The following OPCML variants were observed in gnomAD, a reference collection of about 807,000 sequenced individuals.
OPCML encodes the protein opioid binding protein/cell adhesion molecule like.
In OPCML, 13 loss-of-function variants were observed where a neutral mutation model predicts 37.8. The ratio of observed to expected loss-of-function variants is 0.34; its 90% CI spans 0.22 to 0.55. The LOEUF (loss-of-function observed/expected upper bound fraction) is 0.55, where lower values mean the gene tolerates loss of function less well. Among genes scored for constraint, OPCML ranks in the 20% least tolerant of loss-of-function variants. OPCML has a pLI of 0.91. For synonymous variants in OPCML, 176 were observed against 168.8 expected (o/e 1.04, Z -0.33); for missense variants, 341 against 435.6 (o/e 0.78, Z 1.93).
chr11:132,592,741 T>C (rs1260572211), intron 3 of OPCML, among the ~76,000 whole-genome samples: 1 of 151,796 alleles, frequency 6.6e-6, no homozygotes, highest in Non-Finnish European at 1.5e-5. Flanking sequence ...AAAAAAGGAG[T>C]GGTCCAGAAT....
intron 2 of OPCML, among the ~76,000 whole-genome samples, chr11:132,933,611 CAGAG>C (rs753926369): frequency 1.3e-5 from 2 of 151,972 alleles, no homozygotes; most frequent in South Asian, 2.1e-4. Context: ...AGAGAAGAAA[CAGAG>C]AGAGAGACAG....
intron 2 of OPCML, chr11:132,773,246 C>G (rs914275235): frequency 1.3e-5 from 2 of 152,148 alleles, no homozygotes; most frequent in Non-Finnish European, 2.9e-5. Context: ...GATTAATCTC[C>G]GCATTGCAGG....
chr11:132,436,400 T>G (rs988703828), intron 6 of OPCML, 163 bp from the exon 7 acceptor site: 15 of 982,688 alleles, frequency 1.5e-5, no homozygotes, highest in African/African-American at 1.7e-5. Flanking sequence ...ATGGGATAAA[T>G]GTACTGGCTT....
At chr11:132,621,142 T>C (rs1306664259) in intron 3 of OPCML, among the ~76,000 whole-genome samples, 3 of 152,206 alleles carry the variant, frequency 2.0e-5, no homozygotes, top group Non-Finnish European at 4.4e-5. Flanking sequence ...ATGGCTACAA[T>C]TTTAAAAGGC....
At chr11:132,452,978 T>C (rs1592197416) in intron 4 of OPCML, among the ~76,000 whole-genome samples, 1 of 152,280 alleles carries the variant, frequency 6.6e-6, no homozygotes, top group East Asian at 1.9e-4. Context: ...CTCTGTATAG[T>C]CTCCCTGCAC....
intron 1 of OPCML, among the ~76,000 whole-genome samples, chr11:132,995,194 A>G (rs529256365): frequency 2.6e-4 from 40 of 152,336 alleles, no homozygotes; most frequent in African/African-American, 9.6e-4. Context: ...GTGAGCGGGT[A>G]GCTCAAGAAT....
At chr11:133,470,230 A>G (rs1440024080) in intron 1 of OPCML, among the ~76,000 whole-genome samples, 1 of 152,198 alleles carries the variant, frequency 6.6e-6, no homozygotes, top group African/African-American at 2.4e-5. Flanking sequence ...CAAGTTTGAA[A>G]TCCCAACTTG....
At chr11:132,877,916 C>G (rs1401476358) in intron 2 of OPCML, among the ~76,000 whole-genome samples, 1 of 152,056 alleles carries the variant, frequency 6.6e-6, no homozygotes, top group Non-Finnish European at 1.5e-5. Flanking sequence ...TTTCTTTTTC[C>G]CTGACAAATA....
At position 133,392,831 on chromosome 11, in the gene OPCML, A is replaced by T. The variant is rs117331187; in HGVS notation, c.61+139433T>A. ...ATTTTTCACAAATTCTGTGTCTATG[A>T]ATTTGCCTGCTCACCAAAATTTATT... is the stretch of plus-strand genomic sequence containing the variant. On this transcript the variant is annotated intron_variant, in intron 1 of 7. Coordinates refer to ENST00000524381, the MANE Select transcript of OPCML (RefSeq NM_001012393.5). 5.6e-4 allele frequency among the ~76,000 whole-genome samples: 85 copies of T among 152,298 alleles called. No individual in the cohort carries two copies. In the East Asian group the frequency reaches 0.013, roughly 22 times the overall value.
At chr11:132,792,438 TAAA>T (rs1381548514) in intron 2 of OPCML, among the ~76,000 whole-genome samples, 2 of 152,224 alleles carry the variant, frequency 1.3e-5, no homozygotes, top group Non-Finnish European at 2.9e-5. Flanking sequence ...AAAAAAAGTG[TAAA>T]GACTAAAGTA....
intron 2 of OPCML, among the ~76,000 whole-genome samples, chr11:132,858,057 C>T (rs975953693): frequency 9.2e-5 from 14 of 152,132 alleles, no homozygotes; most frequent in Admixed American, 3.9e-4. Context: ...AGACAGAAGT[C>T]GGCGGTTTCT....
intron 3 of OPCML, among the ~76,000 whole-genome samples, chr11:132,547,036 T>G (rs2096370281): frequency 6.6e-6 from 1 of 152,182 alleles, no homozygotes; most frequent in South Asian, 2.1e-4. Context: ...CTCATAAACT[T>G]GGGTGCAAAC....
intron 3 of OPCML, among the ~76,000 whole-genome samples, chr11:132,553,889 C>T (rs992815322): frequency 7.2e-5 from 11 of 152,106 alleles, no homozygotes; most frequent in Non-Finnish European, 1.6e-4. Context: ...GTTTTGAATG[C>T]AAAATGAGAA....
At chr11:133,115,470 T>C (rs1204565154) in intron 1 of OPCML, among the ~76,000 whole-genome samples, 2 of 151,798 alleles carry the variant, frequency 1.3e-5, no homozygotes, top group African/African-American at 4.8e-5. Context: ...AGAAAACAGG[T>C]CTATCTGAAG....
chr11:133,443,743 C>T (rs1387664269), intron 1 of OPCML, among the ~76,000 whole-genome samples: 1 of 152,194 alleles, frequency 6.6e-6, no homozygotes, highest in Non-Finnish European at 1.5e-5. Flanking sequence ...GGCTGAGCCT[C>T]TGTCCTAGCT....
At chr11:133,061,075 A>C (rs1948333425) in intron 1 of OPCML, among the ~76,000 whole-genome samples, 1 of 152,210 alleles carries the variant, frequency 6.6e-6, no homozygotes, top group Admixed American at 6.5e-5. Context: ...TATGTTGCTC[A>C]GGCTGGTCTT....
intron 1 of OPCML, among the ~76,000 whole-genome samples, chr11:133,133,245 C>G (rs528709347): frequency 6.6e-6 from 1 of 152,050 alleles, no homozygotes; most frequent in Admixed American, 6.5e-5. Context: ...GGTGGCAGGG[C>G]GGCTGGAGTC....
intron 1 of OPCML, among the ~76,000 whole-genome samples, chr11:133,409,211 G>A (rs751710933): frequency 1.2e-4 from 19 of 152,202 alleles, no homozygotes; most frequent in Non-Finnish European, 2.4e-4. Context: ...AGAGAAAGAT[G>A]ACAGCTTGCC....
chr11:132,420,799 G>T (rs1344406377), intron 7 of OPCML, among the ~76,000 whole-genome samples: 1 of 152,148 alleles, frequency 6.6e-6, no homozygotes, highest in Non-Finnish European at 1.5e-5. Context: ...TAGGTGTTGT[G>T]GAGGCTCCTC....
Sources: gnomAD v4.1 joint callset for allele counts (sites outside exome capture counted in the v4.1 genomes callset) on GRCh38, gnomAD v4.1.1 for gene constraint, MANE v1.5 for transcripts, NCBI Gene and HGNC (gene_info 2026-07-23, HGNC 2026-07-21) for gene names.